The following DGLUCY variants were observed in gnomAD, a reference collection of about 807,000 sequenced individuals.
DGLUCY encodes D-glutamate cyclase, mitochondrial.
In DGLUCY, 58 loss-of-function variants were observed where a neutral mutation model predicts 58.5. The observed-to-expected ratio is 0.99, with a 90% confidence interval of 0.80 to 1.23. The LOEUF (loss-of-function observed/expected upper bound fraction) is 1.23. Ranked by LOEUF, DGLUCY falls within the 50% of genes most tolerant of loss-of-function variation. DGLUCY has a pLI of 0.00. For synonymous variants in DGLUCY, 325 were observed against 314.1 expected, an observed-to-expected ratio of 1.03 and a Z score of -0.37; for missense variants, 779 against 784.7, an observed-to-expected ratio of 0.99 and a Z score of 0.09.
chr14:91,069,140 G>A (rs2043874391), intron 1 of DGLUCY, among the ~76,000 whole-genome samples: 1 of 152,198 alleles, frequency 6.6e-6, no homozygotes, highest in Admixed American at 6.5e-5. Flanking sequence ...TTTGGTGCCA[G>A]TAGTCTTTAA....
chr14:91,152,089 T>A (rs2047369212), intron 1 of DGLUCY, among the ~76,000 whole-genome samples: 1 of 152,174 alleles, frequency 6.6e-6, no homozygotes, highest in African/African-American at 2.4e-5. Context: ...TTGCTTTCAT[T>A]GAAAATATTT....
At chr14:91,108,161 A>G (rs146633248) in intron 1 of DGLUCY, 4,491 of 152,630 alleles carry the variant, frequency 0.029, 100 homozygotes, top group Non-Finnish European at 0.041. Flanking sequence ...TTCTGGAAAC[A>G]AGGAGTCGAC....
intron 5 of DGLUCY, 75 bp downstream of exon 5, chr14:91,170,276 G>C: frequency 6.8e-7 from 1 of 1,474,144 alleles, no homozygotes; most frequent in Admixed American, 2.0e-5. Flanking sequence ...TCCTGGGGTG[G>C]GGAGAACATG....
intron 9 of DGLUCY, among the ~76,000 whole-genome samples, chr14:91,192,214 A>C (rs1236492925): frequency 6.6e-6 from 1 of 152,226 alleles, no homozygotes; most frequent in African/African-American, 2.4e-5. Flanking sequence ...TACAACATGG[A>C]TGACCCTCGA....
At chr14:91,169,594 T>C (rs1027159351) in intron 4 of DGLUCY, among the ~76,000 whole-genome samples, 30 of 152,020 alleles carry the variant, frequency 2.0e-4, no homozygotes, top group African/African-American at 6.8e-4. Context: ...ATTTTTAGTA[T>C]AGACGGGGTT....
At chr14:91,155,840 G>A (rs141949909) in intron 1 of DGLUCY, among the ~76,000 whole-genome samples, 4 of 149,846 alleles carry the variant, frequency 2.7e-5, no homozygotes, top group Middle Eastern at 3.5e-3. Flanking sequence ...AGAGCAGAAA[G>A]CCTCTCTTCC....
intron 7 of DGLUCY, among the ~76,000 whole-genome samples, chr14:91,176,370 C>T (rs1414882251): frequency 6.6e-6 from 1 of 152,108 alleles, no homozygotes; most frequent in East Asian, 1.9e-4. Flanking sequence ...GGATTACAGG[C>T]ATGTGCCACC....
In DGLUCY at chr14:91,211,174, T is replaced by C. The variant is rs369063623; in HGVS notation, c.1565-4231T>C. Among the ~76,000 whole-genome samples, 8 of 152,076 alleles carry C rather than the reference T, an allele frequency of 5.3e-5. No individual in the cohort carries two copies. In the East Asian group the frequency reaches 1.2e-3, roughly 22 times the overall value. On this transcript the variant is annotated intron_variant, in intron 12 of 13. Coordinates refer to ENST00000256324, the MANE Select transcript of DGLUCY (RefSeq NM_001102368.3). ...GAAAATACAAAACATTGATGAAAGG[T>C]ATCAAAAAAGAACTATATCAATGGA...
chr14:91,214,845 T>TA (rs1423983813), intron 12 of DGLUCY, among the ~76,000 whole-genome samples: 2 of 151,546 alleles, frequency 1.3e-5, no homozygotes, highest in African/African-American at 2.4e-5. Context: ...ACCCCATCAC[T>TA]AAAAAAAATT....
chr14:91,147,380 A>G (rs1225194330), intron 1 of DGLUCY, among the ~76,000 whole-genome samples: 3 of 152,178 alleles, frequency 2.0e-5, no homozygotes, highest in Non-Finnish European at 4.4e-5. Context: ...GGGCATAACC[A>G]CGTCTGATAT....
At chr14:91,207,450 A>G (rs1231780468) in intron 12 of DGLUCY, among the ~76,000 whole-genome samples, 1 of 152,202 alleles carries the variant, frequency 6.6e-6, no homozygotes, top group East Asian at 1.9e-4. Context: ...AGAGCGATAA[A>G]TAGTAGCATT....
At chr14:91,163,610 G>A (rs1211350585) in intron 3 of DGLUCY, among the ~76,000 whole-genome samples, 3 of 152,126 alleles carry the variant, frequency 2.0e-5, no homozygotes, top group Admixed American at 6.5e-5. Context: ...CATGGAGGAC[G>A]GCGCTCCCCT....
intron 1 of DGLUCY, chr14:91,114,984 G>C (rs1168570508): frequency 1.3e-5 from 2 of 152,444 alleles, no homozygotes; most frequent in African/African-American, 2.4e-5. Context: ...CAAGGCTAAA[G>C]GCAGAGCCAG....
chr14:91,110,254 A>G (rs1332246892), upstream of DGLUCY, among the ~76,000 whole-genome samples: 1 of 152,202 alleles, frequency 6.6e-6, no homozygotes, highest in Non-Finnish European at 1.5e-5. Context: ...AATATTTGAC[A>G]TTCCTTGCAC....
chr14:91,174,564 C>T (rs2048755081), intron 6 of DGLUCY, among the ~76,000 whole-genome samples: 1 of 152,160 alleles, frequency 6.6e-6, no homozygotes, highest in African/African-American at 2.4e-5. Context: ...TCTTGGCCTC[C>T]CAAAGTGCTG....
intron 1 of DGLUCY, among the ~76,000 whole-genome samples, chr14:91,074,386 G>C (rs2043984421): frequency 6.6e-6 from 1 of 151,264 alleles, no homozygotes; most frequent in Non-Finnish European, 1.5e-5. Context: ...GGCTGAGGTG[G>C]GAGGATCACT....
chr14:91,078,746 C>T (rs2044072342), intron 1 of DGLUCY, among the ~76,000 whole-genome samples: 1 of 152,018 alleles, frequency 6.6e-6, no homozygotes. Flanking sequence ...CTGAAGAAAG[C>T]TGGAGAGTCA....
chr14:91,111,200 ATATGTGTG>A (rs1359230886), upstream of DGLUCY, among the ~76,000 whole-genome samples: 11,820 of 79,070 alleles, frequency 0.15, 869 homozygotes, highest in Non-Finnish European at 0.22. Context: ...TTATTTATAT[ATATGTGTG>A]TGTGTGTGTG....
At chr14:91,090,899 C>A (rs892976478) in intron 1 of DGLUCY, among the ~76,000 whole-genome samples, 3 of 152,178 alleles carry the variant, frequency 2.0e-5, no homozygotes, top group African/African-American at 7.2e-5. Flanking sequence ...CAGGGCGAAT[C>A]CACCCATTTC....
Sources: gnomAD v4.1 joint callset for allele counts (sites outside exome capture counted in the v4.1 genomes callset) on GRCh38, gnomAD v4.1.1 for gene constraint, MANE v1.5 for transcripts, NCBI Gene and HGNC (gene_info 2026-07-23, HGNC 2026-07-21) for gene names.